KLF12: variants seen among roughly 807,000 people sequenced by gnomAD.
KLF12 encodes KLF transcription factor 12.
KLF12 carries 9 observed loss-of-function variants against 37.8 expected under a neutral mutation model. The ratio of observed to expected loss-of-function variants is 0.24; its 90% CI spans 0.14 to 0.42. The LOEUF (loss-of-function observed/expected upper bound fraction) is 0.42. Among genes scored for constraint, KLF12 ranks in the 10% least tolerant of loss-of-function variants. The pLI, the probability that KLF12 is intolerant of heterozygous loss-of-function variation, is 1.00. For synonymous variants in KLF12, 208 were observed against 202.1 expected (o/e 1.03, Z -0.25); for missense variants, 411 against 516.0 (o/e 0.80, Z 1.97).
chr13:74,163,285 T>C, the KLF12 span, among the ~76,000 whole-genome samples: 115,918 of 152,086 alleles, frequency 0.76, 46,519 homozygotes, highest in East Asian at 0.88. Flanking sequence ...TGCACTCCTA[T>C]ATTTGTTGCA....
chr13:74,093,236 AGCGGGCGGATAACT>A (rs1378886527), intron 1 of KLF12, among the ~76,000 whole-genome samples: 1 of 152,238 alleles, frequency 6.6e-6, no homozygotes, highest in Non-Finnish European at 1.5e-5. Flanking sequence ...GAAATGCTAC[AGCGGGCGGATAACT>A]GGAGCAGAAA....
At chr13:73,799,082 TA>T (rs1459092605) in intron 5 of KLF12, among the ~76,000 whole-genome samples, 1 of 152,116 alleles carries the variant, frequency 6.6e-6, no homozygotes, top group East Asian at 1.9e-4. Flanking sequence ...TATGCAGCCA[TA>T]AAAAGAGCAA....
intron 6 of KLF12, among the ~76,000 whole-genome samples, chr13:73,746,799 C>G (rs1156932029): frequency 6.8e-6 from 1 of 147,072 alleles, no homozygotes; most frequent in Admixed American, 6.8e-5. Flanking sequence ...AGCCATGCCC[C>G]TCCCTCCCTC....
chr13:74,054,815 C>A (rs1010674644), intron 1 of KLF12, among the ~76,000 whole-genome samples: 3 of 152,156 alleles, frequency 2.0e-5, no homozygotes, highest in Middle Eastern at 3.2e-3. Flanking sequence ...AAAACAATGT[C>A]TACGATCTTA....
intron 1 of KLF12, among the ~76,000 whole-genome samples, chr13:74,082,174 A>AAAAAAAAAAAC (rs1874949221): frequency 6.6e-6 from 1 of 150,960 alleles, no homozygotes; most frequent in Non-Finnish European, 1.5e-5. Flanking sequence ...AAAAAAAAAA[A>AAAAAAAAAAAC]AAAACAAAGT....
At chr13:73,715,839 G>A (rs1201711482) in intron 6 of KLF12, among the ~76,000 whole-genome samples, 1 of 152,210 alleles carries the variant, frequency 6.6e-6, no homozygotes, top group Non-Finnish European at 1.5e-5. Flanking sequence ...TCTGGTAGGG[G>A]TAAATTACCA....
chr13:73,800,692 T>G (rs868573137), intron 5 of KLF12: 14 of 152,204 alleles, frequency 9.2e-5, no homozygotes, highest in Admixed American at 3.9e-4. Flanking sequence ...TAAGAATATC[T>G]AGTTACTTTT....
At chr13:73,710,571 T>A (rs993439688) in intron 7 of KLF12, among the ~76,000 whole-genome samples, 1 of 152,216 alleles carries the variant, frequency 6.6e-6, no homozygotes, top group African/African-American at 2.4e-5. Flanking sequence ...TTTTGTATGG[T>A]GATCTGTGAT....
intron 3 of KLF12, among the ~76,000 whole-genome samples, chr13:73,875,118 C>T (rs563116740): frequency 2.0e-5 from 3 of 150,014 alleles, no homozygotes; most frequent in African/African-American, 2.5e-5. Context: ...GAAGATCACT[C>T]GCCAATCAAT....
chr13:73,794,744 T>C (rs1405759141), intron 5 of KLF12, among the ~76,000 whole-genome samples: 1 of 152,142 alleles, frequency 6.6e-6, no homozygotes, highest in Non-Finnish European at 1.5e-5. Flanking sequence ...CATCTTCAAT[T>C]ACCCTATATT....
chr13:74,034,621 C>G (rs1893201298), intron 1 of KLF12, among the ~76,000 whole-genome samples: 1 of 152,236 alleles, frequency 6.6e-6, no homozygotes, highest in Non-Finnish European at 1.5e-5. Flanking sequence ...AAGTTCTTCT[C>G]TATTCCAGAT....
the KLF12 span, among the ~76,000 whole-genome samples, chr13:74,162,465 G>A: frequency 6.6e-6 from 1 of 152,106 alleles, no homozygotes; most frequent in African/African-American, 2.4e-5. Context: ...TTAAAATTTG[G>A]GGGTTCCCTG....
At chr13:73,907,491 T>C (rs1326917843) in intron 3 of KLF12, among the ~76,000 whole-genome samples, 3 of 152,200 alleles carry the variant, frequency 2.0e-5, no homozygotes, top group South Asian at 2.1e-4. Context: ...CAACATTTAT[T>C]TGTCCACTCT....
At chr13:73,972,193 G>A (rs1302104751) in intron 2 of KLF12, among the ~76,000 whole-genome samples, 1 of 152,152 alleles carries the variant, frequency 6.6e-6, no homozygotes, top group Admixed American at 6.5e-5. Flanking sequence ...TTAAACCACA[G>A]ACGAAGAATT....
the KLF12 span, among the ~76,000 whole-genome samples, chr13:74,222,580 G>T: frequency 6.6e-6 from 1 of 152,228 alleles, no homozygotes; most frequent in East Asian, 1.9e-4. Flanking sequence ...TTAATTAGGT[G>T]CCAGCTCTTA....
intron 7 of KLF12, among the ~76,000 whole-genome samples, chr13:73,713,453 A>T (rs1053464435): frequency 1.3e-4 from 20 of 152,386 alleles, no homozygotes; most frequent in African/African-American, 4.6e-4. Flanking sequence ...CAAATTTTTT[A>T]AAATACACAT....
At chr13:73,826,041 C>T (rs992289430) in intron 4 of KLF12, among the ~76,000 whole-genome samples, 5 of 151,868 alleles carry the variant, frequency 3.3e-5, no homozygotes, top group Non-Finnish European at 5.9e-5. Context: ...GGGACGATCT[C>T]GGCTCACTGC....
At chr13:74,122,496 C>A (rs1041031397) in intron 1 of KLF12, among the ~76,000 whole-genome samples, 1 of 152,018 alleles carries the variant, frequency 6.6e-6, no homozygotes, top group Non-Finnish European at 1.5e-5. Flanking sequence ...AGCAATGTGG[C>A]AACATTTATG....
intron 1 of KLF12, among the ~76,000 whole-genome samples, chr13:74,080,249 C>T (rs1025029889): frequency 2.6e-4 from 39 of 151,708 alleles, no homozygotes; most frequent in African/African-American, 6.8e-4. Flanking sequence ...CCAGCCTGGG[C>T]AACATAGTGG....
Sources: allele counts gnomAD v4.1 joint callset (sites outside exome capture counted in the v4.1 genomes callset), GRCh38; gene constraint gnomAD v4.1.1; transcripts MANE v1.5; gene names NCBI Gene and HGNC (gene_info 2026-07-23, HGNC 2026-07-21).